The following POC1B variants were observed in gnomAD, a reference collection of about 807,000 sequenced individuals.
The protein encoded by POC1B is POC1 centriolar protein homolog B.
Under a neutral mutation model 60.6 loss-of-function variants are expected in POC1B, and 44 were observed. The observed-to-expected ratio is 0.73, with a 90% CI of 0.57 to 0.93. POC1B has a LOEUF of 0.93. POC1B is among the 40% of genes least tolerant of loss of function. The pLI, the probability that POC1B is intolerant of heterozygous loss-of-function variation, is 0.00. For synonymous variants in POC1B, 180 were observed against 198.9 expected (o/e 0.90, Z 0.80); for missense variants, 555 against 572.3 (o/e 0.97, Z 0.31).
chr12:89,451,316 A>G (rs1318113726), intron 10 of POC1B, among the ~76,000 whole-genome samples: 1 of 152,226 alleles, frequency 6.6e-6, no homozygotes, highest in Non-Finnish European at 1.5e-5. Context: ...TAAAAAGTAC[A>G]TATGATATAA....
intron 10 of POC1B, among the ~76,000 whole-genome samples, chr12:89,446,865 T>C (rs756504448): frequency 7.9e-5 from 12 of 152,046 alleles, no homozygotes; most frequent in Non-Finnish European, 1.8e-4. Flanking sequence ...AAAAAACATA[T>C]GACAGGCAGA....
intron 4 of POC1B, among the ~76,000 whole-genome samples, chr12:89,475,924 T>C (rs1883084659): frequency 6.8e-6 from 1 of 147,944 alleles, no homozygotes; most frequent in South Asian, 2.1e-4. Flanking sequence ...TTTTTTTTTT[T>C]TTTTTTTTTT....
Position 89,470,458 on chromosome 12 carries a change from G to T in POC1B, c.713C>A (p.Pro238His). ...SGGVNCISFH[P>H]SGNYLITASS... ...AGCTGTGATGAGATAGTTACCCGAAGGATGGAATGATATGCAATTAACTCC... is the reference window on the plus strand; with the variant it reads ...AGCTGTGATGAGATAGTTACCCGAATGATGGAATGATATGCAATTAACTCC... The change falls in exon 7 of 12, where the codon CCT (proline) becomes CAT (histidine). Residue 238 changes from proline to histidine, a missense_variant. Pro to His is a moderately conservative substitution (Grantham distance 77, BLOSUM62 -2). Transcript: ENST00000313546. 6.2e-7 allele frequency: 1 copy of T among 1,607,746 alleles called. No individual in the cohort carries two copies. Among genetic ancestry groups the T allele is most frequent in the Non-Finnish European group, 8.5e-7 (1 of 1,175,400 alleles).
rs566190697 is a variant in POC1B, at chr12:89,466,767, C to T, written c.1032+3G>A. 15 of 1,603,522 alleles carry T rather than the reference C, an allele frequency of 9.4e-6. No homozygotes were observed. The African/African-American group carries it at 1.6e-4, about 17-fold the overall frequency. ...GTAGGACAAATATGAACAAAATACT[C>T]ACTTCTACAGTCTCAACTTTTTCCT... On this transcript the variant is annotated splice_donor_region_variant and intron_variant, in intron 9 of 11. Coordinates refer to ENST00000313546, the MANE Select transcript of POC1B (RefSeq NM_172240.3).
chr12:89,470,980 T>C lies in POC1B; in HGVS notation c.677-486A>G, dbSNP rs182815995. 3.7e-4 allele frequency among the ~76,000 whole-genome samples: 57 copies of C among 152,330 alleles called. 1 individual carries two copies. The East Asian group carries it at 5.8e-3, about 15-fold the overall frequency. ...CAATGATCAAAAGTTAATTTTTCTA[T>C]GCACTGTGTAAGCAGGAAGACCTAA... On this transcript the variant is annotated intron_variant, in intron 6 of 11. Coordinates refer to ENST00000313546, the MANE Select transcript of POC1B (RefSeq NM_172240.3).
chr12:89,524,738 ACAGCCCAACTCCTCT>A, intron 2 of POC1B: 1 of 656,332 alleles, frequency 1.5e-6, no homozygotes, highest in Non-Finnish European at 2.7e-6. Flanking sequence ...GGCCTCCGGC[ACAGCCCAACTCCTCT>A]CTCCCTACTT....
At chr12:89,447,824 T>C (rs1013100728) in intron 10 of POC1B, among the ~76,000 whole-genome samples, 3 of 151,950 alleles carry the variant, frequency 2.0e-5, no homozygotes, top group Non-Finnish European at 2.9e-5. Flanking sequence ...AATAGCAAAA[T>C]TCCTATGAAA....
chr12:89,497,413 G>C lies in POC1B; in HGVS notation c.101-71C>G, dbSNP rs1162631897. 2.7e-6 allele frequency: 4 copies of C among 1,454,664 alleles called. No individual in the cohort carries two copies. The Admixed American group carries it at 7.5e-5, about 27-fold the overall frequency. The allele number at this position is 1,454,664 out of a possible 1,614,324, so 90.1% of individuals were successfully genotyped here. ...ACATAGGTGTGTCTCATTACAATGA[G>C]CAGCATATCTAATAACAAGGCATCC... On this transcript the variant is annotated intron_variant, in intron 2 of 11. Transcript: ENST00000313546.
chr12:89,418,247 C>T (rs1370682475), downstream of POC1B, among the ~76,000 whole-genome samples: 1 of 152,154 alleles, frequency 6.6e-6, no homozygotes, highest in Non-Finnish European at 1.5e-5. Context: ...TGTACAGATG[C>T]CCTCAGGAGG....
At chr12:89,502,210 G>A in intron 2 of POC1B, 2 of 1,156,328 alleles carry the variant, frequency 1.7e-6, no homozygotes, top group Non-Finnish European at 2.6e-6. Flanking sequence ...TAATAATGAT[G>A]TGGATGATGA....
intron 2 of POC1B, among the ~76,000 whole-genome samples, chr12:89,518,957 G>C (rs923539472): frequency 7.2e-5 from 11 of 152,140 alleles, no homozygotes; most frequent in Non-Finnish European, 1.3e-4. Flanking sequence ...AGTGTGTCTG[G>C]CCAAGGAGAG....
chr12:89,426,367 T>C (rs1481732371), intron 10 of POC1B: 1 of 152,230 alleles, frequency 6.6e-6, no homozygotes, highest in African/African-American at 2.4e-5. Flanking sequence ...CAGTGAATTG[T>C]ATACTTAAGA....
chr12:89,426,103 T>C (rs1880753586), intron 10 of POC1B: 1 of 152,222 alleles, frequency 6.6e-6, no homozygotes, highest in Admixed American at 6.5e-5. Context: ...GGATACATCT[T>C]GAAAACATGC....
the POC1B span, among the ~76,000 whole-genome samples, chr12:89,408,037 A>G: frequency 2.0e-5 from 3 of 152,028 alleles, no homozygotes; most frequent in African/African-American, 7.2e-5. Flanking sequence ...ACTCCCACTT[A>G]TGAGTGAGAA....
At chr12:89,445,524 T>C (rs369638857) in intron 10 of POC1B, among the ~76,000 whole-genome samples, 6 of 152,312 alleles carry the variant, frequency 3.9e-5, no homozygotes, top group African/African-American at 1.4e-4. Flanking sequence ...CCCTATTTAA[T>C]AAATGGTGCT....
At chr12:89,493,225 G>C (rs1192245572) in intron 3 of POC1B, among the ~76,000 whole-genome samples, 3 of 152,124 alleles carry the variant, frequency 2.0e-5, no homozygotes, top group Non-Finnish European at 2.9e-5. Flanking sequence ...CTCCCTATTT[G>C]CTACAACGAT....
At chr12:89,469,911 G>A (rs565315865) in intron 7 of POC1B, among the ~76,000 whole-genome samples, 20 of 150,562 alleles carry the variant, frequency 1.3e-4, no homozygotes, top group South Asian at 4.2e-4. Flanking sequence ...CTCTGTTGCC[G>A]GGCTGGAGTG....
chr12:89,509,992 T>C (rs1565756256), intron 2 of POC1B, among the ~76,000 whole-genome samples: 1 of 146,738 alleles, frequency 6.8e-6, no homozygotes, highest in Non-Finnish European at 1.5e-5. Context: ...ATTACAAGCA[T>C]GCGCCACCAC....
At chr12:89,442,408 C>T (rs956703460) in intron 10 of POC1B, among the ~76,000 whole-genome samples, 6 of 152,262 alleles carry the variant, frequency 3.9e-5, no homozygotes, top group African/African-American at 7.2e-5. Flanking sequence ...GCAGATGTCT[C>T]GGCAGAAACT....
Sources: gnomAD v4.1 joint callset for allele counts (sites outside exome capture counted in the v4.1 genomes callset) on GRCh38, gnomAD v4.1.1 for gene constraint, MANE v1.5 for transcripts, NCBI Gene and HGNC (gene_info 2026-07-23, HGNC 2026-07-21) for gene names.